SETBP1: variants seen among roughly 807,000 people sequenced by gnomAD.
SETBP1 encodes the protein SET-binding protein.
Under a neutral mutation model 101.0 loss-of-function variants are expected in SETBP1, and 9 were observed. The observed-to-expected ratio is 0.09, with a 90% CI of 0.05 to 0.16. The LOEUF is 0.16. Ranked by LOEUF, SETBP1 falls within the 10% of genes least tolerant of loss-of-function variation. The probability of loss-of-function intolerance (pLI) is 1.00; values close to 1 mark genes in which losing one functional copy is unlikely to be tolerated. For synonymous variants in SETBP1, 818 were observed against 788.5 expected (o/e 1.04, Z -0.63); for missense variants, 1,858 against 2,033.8 (o/e 0.91, Z 1.66).
chr18:44,870,168 G>A (rs938303289), intron 3 of SETBP1: 1 of 152,220 alleles, frequency 6.6e-6, no homozygotes, highest in African/African-American at 2.4e-5. Context: ...TCCAGGGGTC[G>A]AGCAAATATG....
At chr18:44,990,927 G>GAAAAAAAAAAAAAAAAAAAAAAAAACAA (rs996043221) in intron 4 of SETBP1, among the ~76,000 whole-genome samples, 1 of 63,190 alleles carries the variant, frequency 1.6e-5, no homozygotes, top group Non-Finnish European at 3.3e-5. Flanking sequence ...CAGAGAGAGA[G>GAAAAAAAAAAAAAAAAAAAAAAAAACAA]AAAAAAAAAA....
intron 2 of SETBP1, among the ~76,000 whole-genome samples, chr18:44,824,536 G>A (rs745805912): frequency 6.6e-5 from 10 of 152,082 alleles, no homozygotes; most frequent in Non-Finnish European, 1.5e-4. Flanking sequence ...ATGCTCCAAA[G>A]GTATTTGCTG....
chr18:45,030,487 C>T (rs1415332137), intron 4 of SETBP1, among the ~76,000 whole-genome samples: 1 of 137,836 alleles, frequency 7.3e-6, no homozygotes, highest in African/African-American at 2.8e-5. Context: ...TTGGTTGTGT[C>T]TCTGCCAGGC....
chr18:44,725,708 G>A (rs537750015), intron 2 of SETBP1, among the ~76,000 whole-genome samples: 1 of 152,134 alleles, frequency 6.6e-6, no homozygotes, highest in South Asian at 2.1e-4. Flanking sequence ...GGCAGAGCTG[G>A]GACCTCCTCC....
At chr18:44,742,333 C>T (rs2070117491) in intron 2 of SETBP1, among the ~76,000 whole-genome samples, 1 of 152,234 alleles carries the variant, frequency 6.6e-6, no homozygotes, top group African/African-American at 2.4e-5. Flanking sequence ...TCCTTGGCTA[C>T]TGACCATCTC....
At chr18:44,877,053 C>G (rs1050746995) in intron 3 of SETBP1, 2 of 1,091,140 alleles carry the variant, frequency 1.8e-6, no homozygotes, top group East Asian at 5.7e-5. Flanking sequence ...AAACACATGC[C>G]TTTACTCTCT....
intron 2 of SETBP1, among the ~76,000 whole-genome samples, chr18:44,763,448 G>C (rs2070702479): frequency 6.6e-6 from 1 of 152,202 alleles, no homozygotes; most frequent in South Asian, 2.1e-4. Context: ...GAGAAACAGA[G>C]AGGCAATTGA....
At chr18:45,021,018 T>A (rs891410829) in intron 4 of SETBP1, among the ~76,000 whole-genome samples, 4 of 152,256 alleles carry the variant, frequency 2.6e-5, no homozygotes, top group African/African-American at 9.6e-5. Flanking sequence ...TTGGTTATTA[T>A]ACCAATTCTT....
chr18:44,928,433 G>A (rs932066492), intron 3 of SETBP1, among the ~76,000 whole-genome samples: 1 of 152,118 alleles, frequency 6.6e-6, no homozygotes, highest in African/African-American at 2.4e-5. Context: ...ATAATCCTTT[G>A]GGTATATACC....
At chr18:44,899,793 T>A (rs1418760908) in intron 3 of SETBP1, among the ~76,000 whole-genome samples, 1 of 152,214 alleles carries the variant, frequency 6.6e-6, no homozygotes, top group Non-Finnish European at 1.5e-5. Context: ...TTCATTTATA[T>A]GATTGTGATG....
At chr18:44,825,387 G>C (rs998652989) in intron 2 of SETBP1, among the ~76,000 whole-genome samples, 1 of 152,170 alleles carries the variant, frequency 6.6e-6, no homozygotes. Flanking sequence ...TTAACCGAGA[G>C]CACAGGTTTA....
chr18:44,963,409 A>G (rs1398482945), intron 4 of SETBP1, among the ~76,000 whole-genome samples: 1 of 152,248 alleles, frequency 6.6e-6, no homozygotes, highest in Non-Finnish European at 1.5e-5. Context: ...ACCTGGGGAA[A>G]GAGAACTTGA....
At chr18:45,002,191 G>GAGCATTTC (rs2072631471) in intron 4 of SETBP1, among the ~76,000 whole-genome samples, 1 of 151,942 alleles carries the variant, frequency 6.6e-6, no homozygotes, top group Admixed American at 6.6e-5. Flanking sequence ...GGCCAAAACA[G>GAGCATTTC]AGCATTTCAA....
chr18:44,736,232 A>T lies in SETBP1; in HGVS notation c.486+34400A>T, dbSNP rs556735793. 1.8e-4 allele frequency among the ~76,000 whole-genome samples: 28 copies of T among 152,224 alleles called. No individual in the cohort carries two copies. In the South Asian group the frequency reaches 3.7e-3, roughly 20 times the overall value. ...AGATCCCTTCTCTATAAAAAAAGTT[A>T]GTCAGGCATGGTGGTGCACGTCTGT... On this transcript the variant is annotated intron_variant, in intron 2 of 5. Coordinates refer to ENST00000649279, the MANE Select transcript of SETBP1 (RefSeq NM_015559.3).
intron 2 of SETBP1, among the ~76,000 whole-genome samples, chr18:44,868,707 GA>G: frequency 2.1e-4 from 1 of 4,856 alleles, no homozygotes; most frequent in East Asian, 4.0e-3. Context: ...AGGACGGAAG[GA>G]AGGGAGGAAG....
intron 3 of SETBP1, among the ~76,000 whole-genome samples, chr18:44,874,905 T>C (rs185566809): frequency 6.6e-6 from 1 of 152,120 alleles, no homozygotes; most frequent in African/African-American, 2.4e-5. Context: ...AGTTTCTGCA[T>C]AGAGAGAAAT....
chr18:44,984,981 A>C (rs2072198350), intron 4 of SETBP1, among the ~76,000 whole-genome samples: 1 of 152,126 alleles, frequency 6.6e-6, no homozygotes, highest in South Asian at 2.1e-4. Flanking sequence ...TCTCCACTAA[A>C]AATACAAAAA....
chr18:44,776,444 C>T (rs574531286), intron 2 of SETBP1, among the ~76,000 whole-genome samples: 2 of 152,086 alleles, frequency 1.3e-5, no homozygotes, highest in African/African-American at 2.4e-5. Flanking sequence ...TTAGTGACAC[C>T]GTGAGGTGGA....
chr18:44,890,391 T>A (rs2069740550), intron 3 of SETBP1, among the ~76,000 whole-genome samples: 1 of 152,140 alleles, frequency 6.6e-6, no homozygotes, highest in South Asian at 2.1e-4. Flanking sequence ...GATTCTTTTG[T>A]GTCCTGGGTT....
Sources: allele counts gnomAD v4.1 joint callset (sites outside exome capture counted in the v4.1 genomes callset), GRCh38; gene constraint gnomAD v4.1.1; transcripts MANE v1.5; gene names NCBI Gene and HGNC (gene_info 2026-07-23, HGNC 2026-07-21).